The following SCMH1 variants were observed in gnomAD, a reference collection of about 807,000 sequenced individuals.
The protein encoded by SCMH1 is polycomb protein SCMH1.
A neutral mutation model predicts 70.8 loss-of-function variants in SCMH1; 37 were observed. The ratio of observed to expected loss-of-function variants is 0.52; its 90% CI spans 0.40 to 0.69. SCMH1 has a LOEUF of 0.69. Ranked by LOEUF, SCMH1 falls within the 30% of genes least tolerant of loss-of-function variation. SCMH1 has a pLI of 0.00. For synonymous variants in SCMH1, 292 were observed against 307.4 expected, an observed-to-expected ratio of 0.95 and a Z score of 0.52; for missense variants, 607 against 827.3, an observed-to-expected ratio of 0.73 and a Z score of 3.27.
At chr1:41,158,060 G>T (rs1208163651) in intron 4 of SCMH1, among the ~76,000 whole-genome samples, 1 of 152,164 alleles carries the variant, frequency 6.6e-6, no homozygotes, top group Non-Finnish European at 1.5e-5. Flanking sequence ...CTTTGAGAGA[G>T]AGCAAATCTG....
chr1:41,041,180 C>T (rs1646116430), intron 12 of SCMH1: 1 of 152,078 alleles, frequency 6.6e-6, no homozygotes. Context: ...CAACGCAGGA[C>T]CCAAAGACAT....
chr1:41,060,559 T>C lies in SCMH1; in HGVS notation c.1105+10036A>G, dbSNP rs149519122. On this transcript the variant is annotated intron_variant, in intron 10 of 14. Coordinates refer to ENST00000337495, the Ensembl canonical transcript of SCMH1. Reference sequence around the variant, plus strand: ...TTCTTTAGAAAGATGGAAAATGATATAGATCAGAAACTTCGATCTATATAA... The same window carrying C: ...TTCTTTAGAAAGATGGAAAATGATACAGATCAGAAACTTCGATCTATATAA... Among the ~76,000 whole-genome samples, 53 of 151,620 alleles carry C rather than the reference T, an allele frequency of 3.5e-4. 1 individual carries two copies. The East Asian group carries it at 8.5e-3, about 24-fold the overall frequency.
chr1:41,150,510 A>T (rs1056638211), intron 5 of SCMH1, among the ~76,000 whole-genome samples: 2 of 152,130 alleles, frequency 1.3e-5, no homozygotes, highest in African/African-American at 4.8e-5. Flanking sequence ...CTCAAAACAA[A>T]ACAAAACAAA....
intron 1 of SCMH1, among the ~76,000 whole-genome samples, chr1:41,190,201 A>G (rs1158277402): frequency 1.3e-5 from 2 of 152,238 alleles, no homozygotes; most frequent in African/African-American, 4.8e-5. Flanking sequence ...AAAGTAAAGC[A>G]ACAAGAAGAG....
chr1:41,161,307 T>C, intron 3 of SCMH1, 57 bp downstream of exon 3: 2 of 1,545,610 alleles, frequency 1.3e-6, no homozygotes, highest in East Asian at 2.4e-5. Flanking sequence ...GAAGGTTTTA[T>C]GGGAAAAGAT....
At chr1:41,132,933 T>A (rs929092512) in intron 6 of SCMH1, among the ~76,000 whole-genome samples, 2 of 152,220 alleles carry the variant, frequency 1.3e-5, no homozygotes, top group African/African-American at 4.8e-5. Context: ...CATGCTATTC[T>A]GGTTACTGTA....
At chr1:41,154,015 C>G (rs1645298598) in intron 4 of SCMH1, among the ~76,000 whole-genome samples, 1 of 152,188 alleles carries the variant, frequency 6.6e-6, no homozygotes, top group Non-Finnish European at 1.5e-5. Flanking sequence ...CTCCACCACT[C>G]CAGTGTGAAA....
At chr1:41,241,668 G>A (rs1272861508) in intron 1 of SCMH1, among the ~76,000 whole-genome samples, 1 of 151,980 alleles carries the variant, frequency 6.6e-6, no homozygotes, top group African/African-American at 2.4e-5. Context: ...AGCCTGCCCC[G>A]GCCCACCCGG....
chr1:41,240,780 C>A, intron 1 of SCMH1, among the ~76,000 whole-genome samples: 1 of 145,904 alleles, frequency 6.9e-6, no homozygotes, highest in Admixed American at 6.9e-5. Flanking sequence ...AAATACAGTA[C>A]AGAAATGAGG....
intron 13 of SCMH1, 85 bp downstream of exon 13, chr1:41,037,277 G>A (rs771174510): frequency 3.6e-6 from 5 of 1,383,766 alleles, no homozygotes; most frequent in Non-Finnish European, 3.0e-6. Context: ...ACAGAGCTAG[G>A]TCCTCTCTGG....
At chr1:41,047,497 A>G (rs925870842) in intron 11 of SCMH1, among the ~76,000 whole-genome samples, 1 of 151,520 alleles carries the variant, frequency 6.6e-6, no homozygotes. Flanking sequence ...CCCAGGTTCA[A>G]GCAATTCTCT....
chr1:41,117,620 CTTCAGTGGTCATG>C (rs1224538106), intron 6 of SCMH1, among the ~76,000 whole-genome samples: 2 of 152,208 alleles, frequency 1.3e-5, no homozygotes, highest in Non-Finnish European at 2.9e-5. Context: ...TGATGCTGTG[CTTCAGTGGTCATG>C]TTCCTAGTTC....
intron 13 of SCMH1, among the ~76,000 whole-genome samples, chr1:41,034,291 G>C (rs936060709): frequency 2.0e-5 from 3 of 150,170 alleles, no homozygotes; most frequent in Admixed American, 6.7e-5. Flanking sequence ...CAGCCTTCCT[G>C]AAAGCTCTCT....
intron 8 of SCMH1, among the ~76,000 whole-genome samples, chr1:41,085,901 C>A (rs1053478367): frequency 2.2e-5 from 3 of 134,518 alleles, no homozygotes; most frequent in African/African-American, 5.7e-5. Context: ...AGTGCAGTGG[C>A]GTGAACTCGG....
At chr1:41,138,058 G>A (rs1006030188) in intron 6 of SCMH1, among the ~76,000 whole-genome samples, 1 of 152,094 alleles carries the variant, frequency 6.6e-6, no homozygotes, top group Non-Finnish European at 1.5e-5. Context: ...TTGATGAAGA[G>A]CTTTCTCTAA....
chr1:41,153,778 A>G (rs1202244822), intron 4 of SCMH1, among the ~76,000 whole-genome samples: 2 of 152,152 alleles, frequency 1.3e-5, no homozygotes, highest in Non-Finnish European at 2.9e-5. Flanking sequence ...TGAATTGCAA[A>G]ATAAGATAAT....
At chr1:41,115,397 C>T (rs1388419658) in intron 7 of SCMH1, among the ~76,000 whole-genome samples, 1 of 152,112 alleles carries the variant, frequency 6.6e-6, no homozygotes, top group Non-Finnish European at 1.5e-5. Flanking sequence ...TCCTGGTGAA[C>T]TGTACTTTAT....
intron 8 of SCMH1, among the ~76,000 whole-genome samples, chr1:41,101,819 C>A (rs1666717547): frequency 6.6e-6 from 1 of 152,000 alleles, no homozygotes; most frequent in African/African-American, 2.4e-5. Flanking sequence ...ACACTGGACT[C>A]ACAGAAGTTA....
chr1:41,057,034 A>G (rs998634376), intron 10 of SCMH1, among the ~76,000 whole-genome samples: 1 of 151,084 alleles, frequency 6.6e-6, no homozygotes, highest in Non-Finnish European at 1.5e-5. Flanking sequence ...GAAATAACCA[A>G]CTCCAGCCAA....
Sources: gnomAD v4.1 joint callset for allele counts (sites outside exome capture counted in the v4.1 genomes callset) on GRCh38, gnomAD v4.1.1 for gene constraint, MANE v1.5 for transcripts, NCBI Gene and HGNC (gene_info 2026-07-23, HGNC 2026-07-21) for gene names.